Variants in CLMN observed in about 807,000 individuals in gnomAD.
CLMN encodes calmin, also known as calmin (calponin-like, transmembrane).
Under a neutral mutation model 92.7 loss-of-function variants are expected in CLMN, and 57 were observed. The observed-to-expected ratio is 0.61, with a 90% confidence interval of 0.50 to 0.77. CLMN has a LOEUF of 0.77. CLMN is among the 30% of genes least tolerant of loss of function. The pLI is 0.00. For missense variants in CLMN, 1,158 were observed against 1,237.5 expected (o/e 0.94, Z 0.96); for synonymous variants, 466 against 470.6 (o/e 0.99, Z 0.13).
intron 1 of CLMN, among the ~76,000 whole-genome samples, chr14:95,286,164 T>C (rs373597974): frequency 2.6e-5 from 4 of 152,340 alleles, no homozygotes; most frequent in East Asian, 3.9e-4. Flanking sequence ...AAAGTCCTTA[T>C]CTTTTAAAGA....
chr14:95,286,442 CAG>C (rs1157722342), intron 1 of CLMN, among the ~76,000 whole-genome samples: 2 of 152,080 alleles, frequency 1.3e-5, no homozygotes, highest in African/African-American at 4.8e-5. Flanking sequence ...TCCATAGAGA[CAG>C]AAAGCAGTTT....
At chr14:95,232,765 T>TTTG (rs1178811350) in intron 1 of CLMN, among the ~76,000 whole-genome samples, 2 of 152,204 alleles carry the variant, frequency 1.3e-5, no homozygotes, top group African/African-American at 4.8e-5. Flanking sequence ...TGTCCCAAGC[T>TTTG]CTATCGGAGA....
At chr14:95,246,429 C>A (rs934435846) in intron 1 of CLMN, among the ~76,000 whole-genome samples, 2 of 152,194 alleles carry the variant, frequency 1.3e-5, no homozygotes, top group Non-Finnish European at 1.5e-5. Flanking sequence ...CCCATGGGGC[C>A]CTGCATGGTG....
intron 1 of CLMN, among the ~76,000 whole-genome samples, chr14:95,253,617 G>GT (rs543744071): frequency 0.094 from 13,142 of 139,952 alleles, 705 homozygotes; most frequent in Non-Finnish European, 0.13. Context: ...TTGTTTTTTT[G>GT]TTTTTTTTTT....
intron 1 of CLMN, among the ~76,000 whole-genome samples, chr14:95,261,412 G>A (rs750047110): frequency 4.6e-5 from 7 of 152,174 alleles, no homozygotes; most frequent in African/African-American, 9.7e-5. Flanking sequence ...GTGAATTCCC[G>A]GATTCTGTCT....
intron 1 of CLMN, among the ~76,000 whole-genome samples, chr14:95,251,569 G>A (rs1459748869): frequency 6.6e-6 from 1 of 152,200 alleles, no homozygotes; most frequent in Non-Finnish European, 1.5e-5. Flanking sequence ...GCATGGCTCT[G>A]GGCACTTGAG....
At chr14:95,269,037 C>T (rs778728910) in intron 1 of CLMN, among the ~76,000 whole-genome samples, 9 of 151,832 alleles carry the variant, frequency 5.9e-5, no homozygotes, top group South Asian at 2.1e-4. Flanking sequence ...CTCCTGATCT[C>T]GTGATCCGCC....
chr14:95,195,007 A>C (rs1435372356), intron 10 of CLMN, among the ~76,000 whole-genome samples: 1 of 152,192 alleles, frequency 6.6e-6, no homozygotes, highest in Non-Finnish European at 1.5e-5. Flanking sequence ...TCTGAGGTCC[A>C]AAATGTACAA....
chr14:95,226,830 TGGC>T (rs901803580), intron 2 of CLMN, among the ~76,000 whole-genome samples: 4 of 152,188 alleles, frequency 2.6e-5, no homozygotes, highest in African/African-American at 9.7e-5. Flanking sequence ...CCTCCTGCCT[TGGC>T]CTCCCAAAGG....
chr14:95,244,877 T>C (rs1898400847), intron 1 of CLMN, among the ~76,000 whole-genome samples: 1 of 151,602 alleles, frequency 6.6e-6, no homozygotes, highest in South Asian at 2.1e-4. Flanking sequence ...ATTTCCCCTT[T>C]GGGGCAACAG....
In CLMN at chr14:95,194,416, A is replaced by T; in HGVS notation, c.2769+120T>A. ...TAAGGTTCCAATCTGCTTGTCTTCT[A>T]TCCAAAAGTATAGCTGTTGCATGCC... On this transcript the variant is annotated intron_variant, in intron 11 of 12. Transcript: ENST00000298912. This position sits in a 1 kb window ranked among gnomAD's most constrained non-coding sequence, Gnocchi z 4.0. 1 of 1,562,518 alleles carries T rather than the reference A, an allele frequency of 6.4e-7. No homozygotes were observed. Among genetic ancestry groups the T allele is most frequent in the Non-Finnish European group, 8.7e-7 (1 of 1,153,332 alleles).
chr14:95,245,846 G>A (rs1470405282), intron 1 of CLMN, among the ~76,000 whole-genome samples: 3 of 146,924 alleles, frequency 2.0e-5, no homozygotes. Context: ...GTGGGTGGGT[G>A]GATTGCTGGA....
intron 1 of CLMN, among the ~76,000 whole-genome samples, chr14:95,297,811 G>GCACACACACACACACA (rs3219870): frequency 4.8e-5 from 7 of 145,122 alleles, no homozygotes; most frequent in African/African-American, 1.0e-4. Flanking sequence ...AATATGGCAG[G>GCACACACACACACACA]CACACACACA....
chr14:95,247,080 G>A (rs567289819), intron 1 of CLMN, among the ~76,000 whole-genome samples: 2 of 151,564 alleles, frequency 1.3e-5, no homozygotes, highest in East Asian at 3.9e-4. Flanking sequence ...ATGACAGCCT[G>A]GGTGAAGGTA....
chr14:95,318,445 T>C (rs1462549379), intron 1 of CLMN, among the ~76,000 whole-genome samples: 1 of 152,158 alleles, frequency 6.6e-6, no homozygotes, highest in Admixed American at 6.5e-5. Flanking sequence ...TGAGGTCACC[T>C]CTGCCGGCAC....
intron 1 of CLMN, among the ~76,000 whole-genome samples, chr14:95,255,778 T>C (rs114031522): frequency 0.014 from 2,085 of 152,276 alleles, 46 homozygotes; most frequent in African/African-American, 0.047. Context: ...ACGCATTTCT[T>C]AACCACTCAA....
chr14:95,198,001 T>A (rs1027327809), intron 9 of CLMN, among the ~76,000 whole-genome samples: 9 of 152,080 alleles, frequency 5.9e-5, no homozygotes, highest in African/African-American at 2.2e-4. Flanking sequence ...AAACTTGCCA[T>A]TTTCTAGTCC....
At chr14:95,295,829 A>C (rs555181230) in intron 1 of CLMN, among the ~76,000 whole-genome samples, 1 of 152,302 alleles carries the variant, frequency 6.6e-6, no homozygotes, top group African/African-American at 2.4e-5. Context: ...ATGTGCACCC[A>C]ACTGTTTGCA....
At chr14:95,211,112 C>T (rs1051482398) in intron 6 of CLMN, among the ~76,000 whole-genome samples, 1 of 152,196 alleles carries the variant, frequency 6.6e-6, no homozygotes, top group African/African-American at 2.4e-5. Context: ...CAAAATAGGA[C>T]CCTGGGTTCC....
Sources: gnomAD v4.1 joint callset for allele counts (sites outside exome capture counted in the v4.1 genomes callset) on GRCh38, gnomAD v4.1.1 for gene constraint, Gnocchi (gnomAD v3.1) non-coding constraint, MANE v1.5 for transcripts, NCBI Gene and HGNC (gene_info 2026-07-23, HGNC 2026-07-21) for gene names.